Variants in POLM observed in about 807,000 individuals in gnomAD.
The protein encoded by POLM is DNA polymerase mu.
In POLM, 52 loss-of-function variants were observed where a neutral mutation model predicts 56.7. The ratio of observed to expected loss-of-function variants is 0.92; its 90% CI spans 0.73 to 1.15. The LOEUF (loss-of-function observed/expected upper bound fraction) is 1.15, where lower values mean the gene tolerates loss of function less well. Ranked by LOEUF, POLM falls within the 50% of genes most tolerant of loss-of-function variation. The pLI is 0.00. For missense variants in POLM, 660 were observed against 663.6 expected (o/e 0.99, Z 0.06); for synonymous variants, 273 against 274.3 (o/e 1.00, Z 0.05).
intron 5 of POLM, chr7:44,076,978 T>C (rs1362719056): frequency 5.1e-6 from 1 of 195,190 alleles, no homozygotes; most frequent in African/African-American, 2.3e-5. Flanking sequence ...TAACAGAAGG[T>C]GGAACAAATT....
chr7:44,078,228 C>G (rs1347680402), intron 5 of POLM: 2 of 155,934 alleles, frequency 1.3e-5, no homozygotes, highest in African/African-American at 4.8e-5. Context: ...TTTTGGGGAC[C>G]AAGGCAGGAG....
In POLM at chr7:44,080,935, A is replaced by G. The variant is rs141388030; in HGVS notation, c.189-19T>C. Reference sequence around the variant, plus strand: ...TTCGGAGCTGGTGGAGGGAGTTGGGAGAGAAGGAGGAGGGTGAGGCCCAGA... The same window carrying G: ...TTCGGAGCTGGTGGAGGGAGTTGGGGGAGAAGGAGGAGGGTGAGGCCCAGA... On this transcript the variant is annotated intron_variant, in intron 1 of 10. Coordinates refer to ENST00000242248, the MANE Select transcript of POLM (RefSeq NM_013284.4). The G allele has an allele frequency of 2.7e-4, 422 of 1,544,078 alleles. 2 individuals carry two copies. The African/African-American group carries it at 5.1e-3, about 19-fold the overall frequency.
intron 6 of POLM, among the ~76,000 whole-genome samples, chr7:44,075,448 G>T (rs1462351594): frequency 2.0e-5 from 3 of 152,188 alleles, no homozygotes; most frequent in African/African-American, 7.2e-5. Flanking sequence ...GCCATGGGGA[G>T]AGGCGATCAA....
Position 44,073,354 on chromosome 7 carries a change from T to C in POLM, c.1422A>G (p.Ser474=). The change falls in exon 11 of 11, where the codon TCA becomes TCG. Residue 474 remains serine (S), a synonymous_variant. Transcript: ENST00000242248. ...CCAGGTGTCTGAAGATGTCTTCCTC[T>C]GAAGCCGCTTGGAAAAATGTCTTCT... ...PEQKTFFQAA[S]EEDIFRHLGL... is the part of the protein sequence containing the mutation. 2 of 1,614,168 alleles carry C rather than the reference T, an allele frequency of 1.2e-6. No individual in the cohort carries two copies. The highest frequency in any genetic ancestry group is 1.1e-5 in the South Asian group (1 of 91,090).
At position 44,073,741 on chromosome 7, in the gene POLM, GC is replaced by G. The variant is rs541201272; in HGVS notation, c.1315-34del. The G allele has an allele frequency of 1.9e-6, 3 of 1,614,060 alleles. 1 individual carries two copies. The South Asian group carries it at 3.3e-5, about 18-fold the overall frequency. ...GAAGGGATTGTCCTCAGCAGGGCTG[GC>G]CCAGCCCCACCCCCAGGCGGCCCAG... is the stretch of plus-strand genomic sequence containing the variant. On this transcript the variant is annotated intron_variant, in intron 9 of 10. Coordinates refer to ENST00000242248, the MANE Select transcript of POLM (RefSeq NM_013284.4).
At chr7:44,078,450 A>G in intron 5 of POLM, 1 of 418,494 alleles carries the variant, frequency 2.4e-6, no homozygotes, top group Non-Finnish European at 4.4e-6. Flanking sequence ...TGGGCGACAG[A>G]GCGAGACCCT....
chr7:44,076,604 C>A lies in POLM; in HGVS notation c.740G>T (p.Gly247Val). Reference sequence around the variant, plus strand: ...GTACCACCGGTCAGCAGTCTTCACACCGACCCCGAAGATCTGGGTGAAGAG... The same window carrying A: ...GTACCACCGGTCAGCAGTCTTCACAACGACCCCGAAGATCTGGGTGAAGAG... ...MKLFTQIFGV[G>V]VKTADRWYRE... Residue 247 changes from glycine (G) to valine (V), a missense_variant, in exon 6 of 11, where the codon GGT becomes GTT. Coordinates refer to ENST00000242248, the MANE Select transcript of POLM (RefSeq NM_013284.4). The A allele has an allele frequency of 6.2e-7, 1 of 1,614,152 alleles. No individual in the cohort carries two copies. The highest frequency in any genetic ancestry group is 8.5e-7 in the Non-Finnish European group (1 of 1,180,018).
At chr7:44,078,610 C>G in intron 5 of POLM, 130 bp downstream of exon 5, 1 of 757,224 alleles carries the variant, frequency 1.3e-6, no homozygotes. Context: ...GCCACTTCCT[C>G]GGCAAGACCT....
At chr7:44,076,792 G>T in intron 5 of POLM, 163 bp from the exon 6 acceptor site, 1 of 813,636 alleles carries the variant, frequency 1.2e-6, no homozygotes, top group Non-Finnish European at 1.9e-6. Flanking sequence ...CAAACCTGGA[G>T]CCTGACTACC....
In POLM at chr7:44,076,238, A is replaced by C. The variant is rs1310994417; in HGVS notation, c.835+271T>G. 3 of 391,424 alleles carry C rather than the reference A, an allele frequency of 7.7e-6. No individual in the cohort carries two copies. In the East Asian group the frequency reaches 1.6e-4, roughly 21 times the overall value. 24.2% of individuals were successfully genotyped at this position (391,424 alleles called of 1,614,324 possible). Reference sequence around the variant, plus strand: ...ACACTGGGCAGTGTGCCCAAGGCCCAGGCTGTCCCTGGTCACTGGTCAAAG... The same window carrying C: ...ACACTGGGCAGTGTGCCCAAGGCCCCGGCTGTCCCTGGTCACTGGTCAAAG... On this transcript the variant is annotated intron_variant, in intron 6 of 10. Transcript: ENST00000242248.
chr7:44,082,099 A>G (rs902739328), intron 1 of POLM, 152 bp downstream of exon 1: 3 of 678,838 alleles, frequency 4.4e-6, no homozygotes, highest in Middle Eastern at 2.7e-4. Context: ...GTGATCCTTT[A>G]AAACACGCCT....
intron 6 of POLM, among the ~76,000 whole-genome samples, chr7:44,075,489 G>A (rs1049018464): frequency 5.9e-5 from 9 of 151,990 alleles, no homozygotes; most frequent in Admixed American, 5.9e-4. Flanking sequence ...CTCACCTCCT[G>A]TCAGCTGAAC....
intron 9 of POLM, 21 bp downstream of exon 9, chr7:44,073,762 G>A: frequency 6.2e-7 from 1 of 1,613,896 alleles, no homozygotes; most frequent in South Asian, 1.1e-5. Context: ...CCCCCAGGCG[G>A]CCCAGCGGCA....
Position 44,073,078 on chromosome 7 carries a change from C to G in POLM, c.*213G>C. ...GACCCAGGGTCACACAGTGATGAGGCTGGCACTGAGGGCTCCCACCTCATC... is the reference window on the plus strand; with the variant it reads ...GACCCAGGGTCACACAGTGATGAGGGTGGCACTGAGGGCTCCCACCTCATC... On this transcript the variant is annotated 3_prime_UTR_variant, in exon 11 of 11. Transcript: ENST00000242248. 6.9e-7 allele frequency: 1 copy of G among 1,451,184 alleles called. No individual in the cohort carries two copies. The highest frequency in any genetic ancestry group is 9.1e-7 in the Non-Finnish European group (1 of 1,104,560). 89.9% of individuals were successfully genotyped at this position (1,451,184 alleles called of 1,614,324 possible). A position where few individuals can be genotyped will look rare whatever the true frequency, so the allele number is the denominator to read the frequency against.
Position 44,079,746 on chromosome 7 carries a change from AGG to A in POLM, c.472-7_472-6del, listed in dbSNP as rs755713219. ...GGCCAGTATCTCCAGAGCCTCCTGCAGGGAGGGGCCCTAGGTAAGGGGCAGGG... is the reference window on the plus strand; with the variant it reads ...GGCCAGTATCTCCAGAGCCTCCTGCAGAGGGGCCCTAGGTAAGGGGCAGGG... On this transcript the variant is annotated splice_region_variant and splice_polypyrimidine_tract_variant and intron_variant, in intron 3 of 10. Coordinates refer to ENST00000242248, the MANE Select transcript of POLM (RefSeq NM_013284.4). The A allele has an allele frequency of 3.6e-5, 58 of 1,609,108 alleles. No homozygotes were observed. In the African/African-American group the frequency reaches 5.9e-4, roughly 16 times the overall value.
chr7:44,080,316 C>T (rs745470327), intron 2 of POLM: 9 of 539,170 alleles, frequency 1.7e-5, no homozygotes, highest in Non-Finnish European at 2.8e-5. Context: ...CCATGGCTCA[C>T]AGGCTGGGCC....
chr7:44,074,675 G>A lies in POLM; in HGVS notation c.836-145C>T, dbSNP rs958352968. The A allele has an allele frequency of 9.6e-6, 8 of 832,570 alleles. No homozygotes were observed. In the African/African-American group the frequency reaches 1.4e-4, roughly 14 times the overall value. 51.6% of individuals were successfully genotyped at this position (832,570 alleles called of 1,614,324 possible). A position where few individuals can be genotyped will look rare whatever the true frequency, so the allele number is the denominator to read the frequency against. On this transcript the variant is annotated intron_variant, in intron 6 of 10. Transcript: ENST00000242248. ...CCGAGGAAGGTGAGGCTAGGGCAGG[G>A]AGCAGAGTGAGATCCCAATCTAAGC...
In POLM at chr7:44,079,579, C is replaced by A; in HGVS notation, c.634G>T (p.Val212Phe). 1 of 1,518,046 alleles carries A rather than the reference C, an allele frequency of 6.6e-7. No homozygotes were observed. 94.0% of individuals were successfully genotyped at this position (1,518,046 alleles called of 1,614,324 possible). ...GGATGGTAAGCACCTACCTGGACAA[C>A]CCTAGAGGAGTGTTCTCCAAAGTGG... is the stretch of plus-strand genomic sequence containing the variant. ...LPHFGEHSSR[V>F]VQELLEHGVC... The change falls in exon 4 of 11, where the codon GTT becomes TTT. Residue 212 changes from valine (V) to phenylalanine (F), a missense_variant. Physicochemically the swap from Val to Phe is conservative, Grantham distance 50. Coordinates refer to ENST00000242248, the MANE Select transcript of POLM (RefSeq NM_013284.4).
At chr7:44,081,630 G>A (rs1365668952) in intron 1 of POLM, among the ~76,000 whole-genome samples, 1 of 151,880 alleles carries the variant, frequency 6.6e-6, no homozygotes. Context: ...TCTCAGTCGT[G>A]TTATTTACTC....
Sources: allele counts gnomAD v4.1 joint callset (sites outside exome capture counted in the v4.1 genomes callset), GRCh38; gene constraint gnomAD v4.1.1; transcripts MANE v1.5; gene names NCBI Gene and HGNC (gene_info 2026-07-23, HGNC 2026-07-21).